The following TSPAN9 variants were observed in gnomAD, a reference collection of about 807,000 sequenced individuals.
TSPAN9 encodes tetraspanin-9.
A neutral mutation model predicts 31.0 loss-of-function variants in TSPAN9; 16 were observed. The ratio of observed to expected loss-of-function variants is 0.52; its 90% CI spans 0.35 to 0.78. The LOEUF is 0.78. Ranked by LOEUF, TSPAN9 falls within the 30% of genes least tolerant of loss-of-function variation. The pLI is 0.01. For missense variants in TSPAN9, 272 were observed against 312.5 expected, an observed-to-expected ratio of 0.87 and a Z score of 0.98; for synonymous variants, 145 against 121.6, an observed-to-expected ratio of 1.19 and a Z score of -1.27.
chr12:3,255,105 A>G (rs753704343), intron 3 of TSPAN9, among the ~76,000 whole-genome samples: 1 of 152,218 alleles, frequency 6.6e-6, no homozygotes, highest in Non-Finnish European at 1.5e-5. Flanking sequence ...ATAGCAATGC[A>G]CAATCAGGAG....
chr12:3,198,505 CCACCAGCACAGGTCA>C (rs1490026964), intron 2 of TSPAN9, among the ~76,000 whole-genome samples: 9 of 122,376 alleles, frequency 7.4e-5, no homozygotes, highest in African/African-American at 1.0e-4. Context: ...GCACAGGCCA[CCACCAGCACAGGTCA>C]CACCAGCACA....
chr12:3,145,898 T>G (rs7957509), intron 2 of TSPAN9, among the ~76,000 whole-genome samples: 1 of 152,136 alleles, frequency 6.6e-6, no homozygotes, highest in Non-Finnish European at 1.5e-5. Context: ...TTCATTAGCA[T>G]GGGCACAGGG....
chr12:3,270,924 A>G (rs1471569666), intron 3 of TSPAN9, among the ~76,000 whole-genome samples: 2 of 152,260 alleles, frequency 1.3e-5, no homozygotes, highest in Non-Finnish European at 2.9e-5. Flanking sequence ...GTCTTGAAAC[A>G]TAATTCAGGA....
chr12:3,183,692 C>G (rs1240491225), intron 2 of TSPAN9, among the ~76,000 whole-genome samples: 1 of 152,128 alleles, frequency 6.6e-6, no homozygotes, highest in Non-Finnish European at 1.5e-5. Context: ...CACCAAATAC[C>G]CAAGGATTCT....
chr12:3,099,006 G>C (rs1267791563), intron 2 of TSPAN9, among the ~76,000 whole-genome samples: 2 of 152,114 alleles, frequency 1.3e-5, no homozygotes, highest in Non-Finnish European at 2.9e-5. Flanking sequence ...ACCTGCCTTG[G>C]CTCTCCAAAG....
rs372206446 is a variant in TSPAN9 at position 3,085,485 on chromosome 12, AC to A, written c.-18+1767del. ...GTGAGTGGAGGCCTCAGCAGACAGG[AC>A]GTTGATCCTCTCTGATGGCTGTGGC... On this transcript the variant is annotated intron_variant, in intron 2 of 8. Transcript: ENST00000011898. Among the ~76,000 whole-genome samples the A allele has an allele frequency of 1.4e-3, 217 of 152,068 alleles. 1 individual carries two copies. Among genetic ancestry groups the A allele is most frequent in the African/African-American group, 5.1e-3 (210 of 41,460 alleles).
chr12:3,240,372 G>A (rs1399091376), intron 3 of TSPAN9, among the ~76,000 whole-genome samples: 2 of 152,196 alleles, frequency 1.3e-5, no homozygotes, highest in East Asian at 1.9e-4. Flanking sequence ...TCCTTGAGGC[G>A]TGCTCAGCCA....
In TSPAN9 at chr12:3,103,001, A is replaced by G. The variant is rs74057520; in HGVS notation, c.-18+19282A>G. Reference sequence around the variant, plus strand: ...CAGGCCACTTGCTGTTAGGTGGGAGAGCCTGTCTAGAAACCTACATGTTCT... The same window carrying G: ...CAGGCCACTTGCTGTTAGGTGGGAGGGCCTGTCTAGAAACCTACATGTTCT... On this transcript the variant is annotated intron_variant, in intron 2 of 8. Transcript: ENST00000011898. Among the ~76,000 whole-genome samples the G allele has an allele frequency of 5.1e-3, 782 of 152,254 alleles. 12 individuals carry two copies. The highest frequency in any genetic ancestry group is 0.018 in the African/African-American group (753 of 41,544).
intron 3 of TSPAN9, among the ~76,000 whole-genome samples, chr12:3,240,461 G>A (rs942058842): frequency 1.3e-5 from 2 of 152,162 alleles, no homozygotes; most frequent in African/African-American, 4.8e-5. Context: ...CACACTTCAG[G>A]TACTCATTCC....
intron 2 of TSPAN9, among the ~76,000 whole-genome samples, chr12:3,136,531 A>G (rs2098332222): frequency 6.6e-6 from 1 of 152,162 alleles, no homozygotes; most frequent in Non-Finnish European, 1.5e-5. Flanking sequence ...CAAAGACAGG[A>G]CACCAAACCC....
intron 2 of TSPAN9, among the ~76,000 whole-genome samples, chr12:3,135,425 T>G (rs1460229821): frequency 6.6e-6 from 1 of 152,144 alleles, no homozygotes; most frequent in Non-Finnish European, 1.5e-5. Flanking sequence ...TGAGGCACAC[T>G]CCTTCCTTAA....
chr12:3,226,763 TATATATATATATATATATATATATATATA>T (rs1269473464), intron 3 of TSPAN9, among the ~76,000 whole-genome samples: 4 of 2,288 alleles, frequency 1.7e-3, no homozygotes, highest in African/African-American at 5.4e-3. Context: ...TATATATATA[TATATATATATATATATATATATATATATA>T]TATTTTTTTT....
chr12:3,272,189 T>G (rs1160196959), intron 3 of TSPAN9, among the ~76,000 whole-genome samples: 4 of 152,158 alleles, frequency 2.6e-5, no homozygotes, highest in Non-Finnish European at 5.9e-5. Context: ...TGTGGGGCTC[T>G]GCAGACACAT....
Position 3,278,480 on chromosome 12 carries a change from T to A in TSPAN9, c.123T>A (p.Phe41Leu). 1 of 1,614,250 alleles carries A rather than the reference T, an allele frequency of 6.2e-7. No homozygotes were observed. The highest frequency in any genetic ancestry group is 1.3e-5 in the African/African-American group (1 of 75,072). ...GIWLSVSQGN[F>L]ATFSPSFPSL... Reference sequence around the variant, plus strand: ...GGCTCTCCGTGTCCCAAGGCAACTTTGCCACCTTCTCCCCCAGCTTCCCTT... The same window carrying A: ...GGCTCTCCGTGTCCCAAGGCAACTTAGCCACCTTCTCCCCCAGCTTCCCTT... The change falls in exon 4 of 9, where the codon TTT becomes TTA. Residue 41 changes from phenylalanine to leucine, a missense_variant. By Grantham distance (22) the Phe-to-Leu change is conservative (BLOSUM62 0). Coordinates refer to ENST00000011898, the MANE Select transcript of TSPAN9 (RefSeq NM_006675.5).
intron 3 of TSPAN9, among the ~76,000 whole-genome samples, chr12:3,277,797 G>A (rs991789223): frequency 1.3e-5 from 2 of 152,176 alleles, no homozygotes; most frequent in African/African-American, 2.4e-5. Context: ...GAAGGCAGCC[G>A]TGGACTCCCA....
chr12:3,138,165 A>G (rs1450335179), intron 2 of TSPAN9, among the ~76,000 whole-genome samples: 3 of 151,884 alleles, frequency 2.0e-5, no homozygotes, highest in Admixed American at 2.0e-4. Context: ...TGGGTTTGGT[A>G]GTGTGATTTT....
intron 2 of TSPAN9, among the ~76,000 whole-genome samples, chr12:3,102,583 G>A (rs1453224322): frequency 6.6e-6 from 1 of 151,770 alleles, no homozygotes; most frequent in Non-Finnish European, 1.5e-5. Flanking sequence ...GACTACAGGC[G>A]CCCGCCACCA....
intron 2 of TSPAN9, among the ~76,000 whole-genome samples, chr12:3,164,334 C>T (rs1254742507): frequency 6.6e-6 from 1 of 152,270 alleles, no homozygotes; most frequent in Non-Finnish European, 1.5e-5. Context: ...CTCTGTGGTA[C>T]GTAGCATTGA....
intron 3 of TSPAN9, among the ~76,000 whole-genome samples, chr12:3,220,677 C>G (rs1480525967): frequency 1.3e-5 from 2 of 152,150 alleles, no homozygotes; most frequent in African/African-American, 4.8e-5. Context: ...GCTGCCCTGG[C>G]CTGTGGGGGA....
Sources: allele counts gnomAD v4.1 joint callset (sites outside exome capture counted in the v4.1 genomes callset), GRCh38; gene constraint gnomAD v4.1.1; transcripts MANE v1.5; gene names NCBI Gene and HGNC (gene_info 2026-07-23, HGNC 2026-07-21).